CDH26: variants seen among roughly 807,000 people sequenced by gnomAD.
CDH26 encodes cadherin-like protein 26.
In CDH26, 83 loss-of-function variants were observed where a neutral mutation model predicts 90.3. That is an observed-to-expected ratio of 0.92 (90% CI 0.77 to 1.10). CDH26 has a LOEUF of 1.10. Among genes scored for constraint, CDH26 ranks in the 50% least tolerant of loss-of-function variants. CDH26 has a pLI of 0.00. For synonymous variants in CDH26, 397 were observed against 396.3 expected, an observed-to-expected ratio of 1.00 and a Z score of -0.02; for missense variants, 1,013 against 1,037.6, an observed-to-expected ratio of 0.98 and a Z score of 0.33.
At chr20:60,008,012 T>C (rs1049552385) in intron 17 of CDH26, among the ~76,000 whole-genome samples, 1 of 152,128 alleles carries the variant, frequency 6.6e-6, no homozygotes, top group Non-Finnish European at 1.5e-5. Flanking sequence ...TTTACATGGA[T>C]AGGGCAGAGC....
At chr20:59,989,246 C>G in intron 9 of CDH26, 83 bp downstream of exon 9, 5 of 1,556,086 alleles carry the variant, frequency 3.2e-6, no homozygotes. Flanking sequence ...AAAACCAGCT[C>G]GGCCGGGCGC....
In CDH26 at chr20:59,984,663, C is replaced by G. The variant is rs186140944; in HGVS notation, c.566C>G (p.Ala189Gly). 6.8e-6 allele frequency: 11 copies of G among 1,612,188 alleles called. No individual in the cohort carries two copies. In the Admixed American group the frequency reaches 1.5e-4, roughly 22 times the overall value. Residue 189 changes from alanine to glycine, a missense_variant, in exon 6 of 18, where the codon GCA (alanine) becomes GGA (glycine). Coordinates refer to ENST00000348616, the MANE Select transcript of CDH26 (RefSeq NM_177980.4). ...SAGQPIFQML[A>G]VDLDEENTPN... is the part of the protein sequence containing the mutation. ...GGGCAACCTATTTTTCAGATGTTAG[C>G]AGTCGATTTGGATGAAGAAAACACT...
At chr20:60,006,444 C>T (rs902034049) in intron 16 of CDH26, among the ~76,000 whole-genome samples, 4 of 152,184 alleles carry the variant, frequency 2.6e-5, no homozygotes, top group Non-Finnish European at 5.9e-5. Flanking sequence ...GAACAACCCT[C>T]CTGGCCGGGC....
At chr20:59,965,492 A>C (rs1388773154) in intron 1 of CDH26, among the ~76,000 whole-genome samples, 1 of 152,244 alleles carries the variant, frequency 6.6e-6, no homozygotes, top group African/African-American at 2.4e-5. Flanking sequence ...GAAACTATCC[A>C]TATTTTTCAA....
chr20:59,978,744 C>T (rs2061355900), intron 4 of CDH26, among the ~76,000 whole-genome samples: 1 of 152,130 alleles, frequency 6.6e-6, no homozygotes, highest in Admixed American at 6.6e-5. Context: ...TGAAAAATCT[C>T]ACCCCACCCA....
At chr20:59,962,568 C>T (rs1174588185) in intron 1 of CDH26, among the ~76,000 whole-genome samples, 1 of 152,202 alleles carries the variant, frequency 6.6e-6, no homozygotes, top group East Asian at 1.9e-4. Flanking sequence ...AGTGTGACTT[C>T]ATCTTAACTG....
intron 1 of CDH26, among the ~76,000 whole-genome samples, chr20:59,963,699 G>A (rs1195455469): frequency 6.6e-6 from 1 of 152,074 alleles, no homozygotes; most frequent in Admixed American, 6.6e-5. Flanking sequence ...TCTTCACAGA[G>A]ATTTTCCTAG....
At chr20:59,979,867 T>C (rs2145981770) in intron 4 of CDH26, among the ~76,000 whole-genome samples, 1 of 152,042 alleles carries the variant, frequency 6.6e-6, no homozygotes. Context: ...CCTCACGTGA[T>C]CCACCTGCCT....
chr20:60,021,869 C>CACACACACACACACACACAT (rs2061957194), intron 7 of CDH26, among the ~76,000 whole-genome samples: 1 of 102,948 alleles, frequency 9.7e-6, no homozygotes, highest in African/African-American at 3.2e-5. Flanking sequence ...CACACACACA[C>CACACACACACACACACACAT]ACACACACAC....
chr20:60,015,939 T>C (rs2061902065), downstream of CDH26, among the ~76,000 whole-genome samples: 1 of 152,236 alleles, frequency 6.6e-6, no homozygotes, highest in Non-Finnish European at 1.5e-5. Flanking sequence ...GCTAAAGATA[T>C]GTGTATTAAT....
At chr20:59,983,201 G>A (rs2061415374) in intron 5 of CDH26, 131 bp downstream of exon 5, 1 of 1,109,286 alleles carries the variant, frequency 9.0e-7, no homozygotes, top group African/African-American at 1.6e-5. Flanking sequence ...AAAGATCGCA[G>A]GCCTTGGATC....
chr20:59,985,087 G>C lies in CDH26; in HGVS notation c.795G>C (p.Val265=), dbSNP rs1168358462. The part of the protein sequence containing the change: ...LSSTTTVHVD[V]QEGNNHRPAF... The stretch of plus-strand genomic sequence containing the variant: ...CCACGACCACCGTTCACGTGGATGT[G>C]CAAGAAGGCAACAACCACAGGCCTG... The change falls in exon 7 of 18, where the codon GTG becomes GTC. Residue 265 remains valine, a synonymous_variant. Coordinates refer to ENST00000348616, the MANE Select transcript of CDH26 (RefSeq NM_177980.4). 2 of 1,614,050 alleles carry C rather than the reference G, an allele frequency of 1.2e-6. No individual in the cohort carries two copies.
At chr20:59,987,123 T>G (rs997762937) in intron 7 of CDH26, among the ~76,000 whole-genome samples, 2 of 152,164 alleles carry the variant, frequency 1.3e-5, no homozygotes, top group African/African-American at 4.8e-5. Flanking sequence ...GAGCATAAAC[T>G]AGGATTGTGT....
rs568926630 is a variant in CDH26, at chr20:60,002,373, C to T, written c.2167-440C>T. 2.0e-5 allele frequency among the ~76,000 whole-genome samples: 3 copies of T among 151,940 alleles called. No homozygotes were observed. In the East Asian group the frequency reaches 6.0e-4, roughly 31 times the overall value. ...CATGGACATGGAACACCCACCATGGCACAGGGCCTCCCACTCTAAAGAACC... is the reference window on the plus strand; with the variant it reads ...CATGGACATGGAACACCCACCATGGTACAGGGCCTCCCACTCTAAAGAACC... On this transcript the variant is annotated intron_variant, in intron 15 of 17. Coordinates refer to ENST00000348616, the MANE Select transcript of CDH26 (RefSeq NM_177980.4).
chr20:60,027,954 CTCTCAGGGTAACATCTGACCAG>C (rs1432581663), intron 7 of CDH26, among the ~76,000 whole-genome samples: 1 of 152,214 alleles, frequency 6.6e-6, no homozygotes, highest in Non-Finnish European at 1.5e-5. Flanking sequence ...ACTCGGTTTT[CTCTCAGGGTAACATCTGACCAG>C]ACAACTGGAC....
chr20:59,970,541 T>C lies in CDH26; in HGVS notation c.231+355T>C, dbSNP rs937021882. On this transcript the variant is annotated intron_variant, in intron 3 of 17. Coordinates refer to ENST00000348616, the MANE Select transcript of CDH26 (RefSeq NM_177980.4). ...CAGGGAGATTGTCGGCCAGGCGCGG[T>C]GGCTCACGCCTGTAATCCCAGCACT... Among the ~76,000 whole-genome samples the C allele has an allele frequency of 2.6e-5, 4 of 151,178 alleles. No individual in the cohort carries two copies. The East Asian group carries it at 7.9e-4, about 30-fold the overall frequency.
chr20:59,993,168 C>G (rs1045776430), intron 10 of CDH26, among the ~76,000 whole-genome samples: 15 of 152,220 alleles, frequency 9.9e-5, no homozygotes, highest in African/African-American at 3.6e-4. Context: ...TGTTCCTAAT[C>G]AGCATTAAGG....
At chr20:60,018,206 A>C (rs958336706), downstream of CDH26, among the ~76,000 whole-genome samples, 1 of 152,034 alleles carries the variant, frequency 6.6e-6, no homozygotes, top group Non-Finnish European at 1.5e-5. Context: ...GAGATGTTGA[A>C]GTCCCCAACT....
chr20:59,971,766 T>TA (rs1206003808), intron 3 of CDH26, among the ~76,000 whole-genome samples, 196 bp from the exon 4 acceptor site: 1 of 152,258 alleles, frequency 6.6e-6, no homozygotes, highest in African/African-American at 2.4e-5. Flanking sequence ...TTTTCACTGT[T>TA]ACAGACCAAA....
Sources: allele counts gnomAD v4.1 joint callset (sites outside exome capture counted in the v4.1 genomes callset), GRCh38; gene constraint gnomAD v4.1.1; transcripts MANE v1.5; gene names NCBI Gene and HGNC (gene_info 2026-07-23, HGNC 2026-07-21).